Variants in PKP4 observed in about 807,000 individuals in gnomAD.
PKP4 encodes the protein plakophilin 4.
PKP4 carries 90 observed loss-of-function variants against 145.1 expected under a neutral mutation model. That is an observed-to-expected ratio of 0.62 (90% confidence interval 0.52 to 0.74). The LOEUF is 0.74. Among genes scored for constraint, PKP4 ranks in the 30% least tolerant of loss-of-function variants. The pLI, the probability that PKP4 is intolerant of heterozygous loss-of-function variation, is 0.00. For missense variants in PKP4, 1,340 were observed against 1,482.7 expected (o/e 0.90, Z 1.58); for synonymous variants, 563 against 577.2 (o/e 0.98, Z 0.35).
intron 3 of PKP4, among the ~76,000 whole-genome samples, chr2:158,600,331 G>A (rs1376125463): frequency 6.6e-6 from 1 of 152,176 alleles, no homozygotes; most frequent in Non-Finnish European, 1.5e-5. Context: ...TCCAGTGGAA[G>A]CTCCTAGAAC....
intron 4 of PKP4, among the ~76,000 whole-genome samples, chr2:158,616,348 C>T (rs1159025633): frequency 2.6e-5 from 4 of 152,060 alleles, no homozygotes; most frequent in African/African-American, 4.8e-5. Flanking sequence ...GCTTTTTTGC[C>T]GTAGGAGGCA....
chr2:158,559,737 A>G (rs1293925133), intron 2 of PKP4, among the ~76,000 whole-genome samples: 2 of 152,180 alleles, frequency 1.3e-5, no homozygotes, highest in Non-Finnish European at 2.9e-5. Flanking sequence ...TAGTGTTTTC[A>G]TAAAATAGAC....
chr2:158,550,145 G>GATTCTATTAAATTCTA (rs2045480175), intron 2 of PKP4, among the ~76,000 whole-genome samples: 8 of 144,726 alleles, frequency 5.5e-5, no homozygotes, highest in African/African-American at 4.9e-5. Flanking sequence ...CCAAGAAGAA[G>GATTCTATTAAATTCTA]TTAAACAATC....
intron 4 of PKP4, among the ~76,000 whole-genome samples, chr2:158,619,781 AG>A (rs2052016447): frequency 6.6e-6 from 1 of 152,218 alleles, no homozygotes; most frequent in Admixed American, 6.5e-5. Flanking sequence ...ACCAGATAAA[AG>A]TCTGTCTGTC....
rs544074438 is a variant in PKP4, at chr2:158,611,601, T to C, written c.280+8497T>C. On this transcript the variant is annotated intron_variant, in intron 4 of 21. Transcript: ENST00000389759. ...GCACATCATGAGATAAGAAGTTGACTTAAATTGAAACACTTTATGCCTCAG... is the reference window on the plus strand; with the variant it reads ...GCACATCATGAGATAAGAAGTTGACCTAAATTGAAACACTTTATGCCTCAG... Among the ~76,000 whole-genome samples the C allele has an allele frequency of 2.0e-5, 3 of 152,288 alleles. No homozygotes were observed. The South Asian group carries it at 6.2e-4, about 32-fold the overall frequency.
intron 1 of PKP4, among the ~76,000 whole-genome samples, chr2:158,495,315 G>A (rs1695524226): frequency 6.7e-6 from 1 of 148,572 alleles, no homozygotes; most frequent in East Asian, 2.0e-4. Flanking sequence ...GCGTTGGCAA[G>A]TTGGACTCAC....
chr2:158,651,627 T>C (rs918334632), intron 11 of PKP4, among the ~76,000 whole-genome samples: 2 of 151,986 alleles, frequency 1.3e-5, no homozygotes. Flanking sequence ...TTCTGGCCTC[T>C]GTCCTTGACA....
chr2:158,653,766 T>G (rs2055626377), intron 11 of PKP4, among the ~76,000 whole-genome samples: 2 of 152,230 alleles, frequency 1.3e-5, no homozygotes, highest in African/African-American at 4.8e-5. Flanking sequence ...AATTTTGCAT[T>G]AGGATGTTGG....
intron 1 of PKP4, among the ~76,000 whole-genome samples, chr2:158,505,311 T>G (rs985790023): frequency 5.3e-5 from 8 of 152,284 alleles, no homozygotes; most frequent in South Asian, 2.1e-4. Context: ...AATAAAATTT[T>G]TAGTGGGTAG....
rs147932899 is a variant in PKP4, at chr2:158,671,306, AATG to A, written c.2924+1394_2924+1396del. On this transcript the variant is annotated intron_variant, in intron 17 of 21. Transcript: ENST00000389759. ...CCCAGAAACCACACCTATCAGCAGT[AATG>A]ATATTTCCTTTCAGTCTTTTTTTTA... Among the ~76,000 whole-genome samples the A allele has an allele frequency of 7.0e-4, 106 of 152,098 alleles. 1 individual carries two copies. The East Asian group carries it at 0.02, about 28-fold the overall frequency.
At chr2:158,519,652 C>CTA (rs2042198917) in intron 1 of PKP4, among the ~76,000 whole-genome samples, 1 of 152,136 alleles carries the variant, frequency 6.6e-6, no homozygotes, top group Non-Finnish European at 1.5e-5. Context: ...TACCAAAGGT[C>CTA]TATAGCAGTT....
Position 158,474,214 on chromosome 2 carries a change from G to A in PKP4, c.-6+16996G>A, listed in dbSNP as rs538369969. 8.5e-5 allele frequency among the ~76,000 whole-genome samples: 13 copies of A among 152,300 alleles called. No individual in the cohort carries two copies. The South Asian group carries it at 1.5e-3, about 17-fold the overall frequency. On this transcript the variant is annotated intron_variant, in intron 1 of 21. Coordinates refer to ENST00000389759, the MANE Select transcript of PKP4 (RefSeq NM_003628.6). ...CTAGAGGTCTGAGCAAAGACAGAGG[G>A]AAGCTCCGAAAGTACAAGACTCTGG...
intron 3 of PKP4, chr2:158,589,076 T>TA: frequency 1.3e-5 from 2 of 152,322 alleles, no homozygotes; most frequent in Admixed American, 1.3e-4. Flanking sequence ...CAGGATGCCT[T>TA]ACCTTGGTAT....
chr2:158,556,952 C>G (rs2046146332), intron 2 of PKP4, among the ~76,000 whole-genome samples: 1 of 151,972 alleles, frequency 6.6e-6, no homozygotes, highest in African/African-American at 2.4e-5. Flanking sequence ...ATTTCCACAC[C>G]CTGAAGATCA....
chr2:158,458,336 A>G (rs1689199363), intron 1 of PKP4: 1 of 152,386 alleles, frequency 6.6e-6, no homozygotes, highest in Non-Finnish European at 1.5e-5. Context: ...CTCTCCTCCC[A>G]TAGCTTCCCT....
intron 11 of PKP4, among the ~76,000 whole-genome samples, chr2:158,649,700 T>C (rs764262932): frequency 1.4e-4 from 22 of 152,118 alleles, no homozygotes; most frequent in Non-Finnish European, 3.1e-4. Flanking sequence ...TCTCAGAAGG[T>C]CACTTATAAG....
At chr2:158,645,318 A>G (rs2054721533) in intron 11 of PKP4, among the ~76,000 whole-genome samples, 1 of 152,226 alleles carries the variant, frequency 6.6e-6, no homozygotes, top group African/African-American at 2.4e-5. Context: ...AGAGCAAGCT[A>G]AACAGAATTA....
At chr2:158,668,016 AC>A (rs1412693916) in intron 16 of PKP4, among the ~76,000 whole-genome samples, 1 of 152,228 alleles carries the variant, frequency 6.6e-6, no homozygotes, top group Non-Finnish European at 1.5e-5. Flanking sequence ...ACACAGGTAG[AC>A]AGGAGTCCTT....
chr2:158,625,879 A>G (rs2052729515), intron 7 of PKP4, among the ~76,000 whole-genome samples: 1 of 152,192 alleles, frequency 6.6e-6, no homozygotes, highest in Admixed American at 6.5e-5. Context: ...AATATAGACT[A>G]GACTATGAAT....
Sources: gnomAD v4.1 joint callset for allele counts (sites outside exome capture counted in the v4.1 genomes callset) on GRCh38, gnomAD v4.1.1 for gene constraint, MANE v1.5 for transcripts, NCBI Gene and HGNC (gene_info 2026-07-23, HGNC 2026-07-21) for gene names.